The following CREB1 variants were observed in gnomAD, a reference collection of about 807,000 sequenced individuals.
CREB1 encodes the protein cyclic AMP-responsive element-binding protein 1.
Under a neutral mutation model 42.0 loss-of-function variants are expected in CREB1, and 2 were observed. That is an observed-to-expected ratio of 0.05 (90% CI 0.02 to 0.15). The LOEUF is 0.15. Ranked by LOEUF, CREB1 falls within the 10% of genes least tolerant of loss-of-function variation. CREB1 has a pLI of 1.00. For missense variants in CREB1, 199 were observed against 388.9 expected (o/e 0.51, Z 4.11); for synonymous variants, 123 against 139.9 (o/e 0.88, Z 0.85).
intron 5 of CREB1, among the ~76,000 whole-genome samples, chr2:207,572,389 C>T (rs1461363555): frequency 1.3e-5 from 2 of 152,028 alleles, no homozygotes; most frequent in Non-Finnish European, 2.9e-5. Context: ...ATAATAAATA[C>T]ATATACAGCA....
At chr2:207,553,134 T>C (rs1004444921) in intron 1 of CREB1, among the ~76,000 whole-genome samples, 1 of 149,312 alleles carries the variant, frequency 6.7e-6, no homozygotes, top group African/African-American at 2.5e-5. Context: ...AGTGGCACCA[T>C]GTTGGCTCAC....
At chr2:207,589,341 A>G (rs1222938105) in intron 7 of CREB1, among the ~76,000 whole-genome samples, 1 of 152,146 alleles carries the variant, frequency 6.6e-6, no homozygotes, top group Non-Finnish European at 1.5e-5. Context: ...ACATAGTGTT[A>G]TCTCTGTTCC....
rs1008006729 is a variant in CREB1, at chr2:207,552,069, TAAG to T, written c.-8-3555_-8-3553del. 6.2e-4 allele frequency among the ~76,000 whole-genome samples: 68 copies of T among 110,484 alleles called. 1 individual carries two copies. Among genetic ancestry groups the T allele is most frequent in the East Asian group, 1.9e-3 (6 of 3,084 alleles). 72.5% of individuals were successfully genotyped at this position (110,484 alleles called of 152,430 possible). A position where few individuals can be genotyped will look rare whatever the true frequency, so the allele number is the denominator to read the frequency against. On this transcript the variant is annotated intron_variant, in intron 1 of 7. Coordinates refer to ENST00000353267, the MANE Select transcript of CREB1 (RefSeq NM_004379.5). ...AAAAAAAAAAAAAAAAAAAAAAAAT[TAAG>T]AAGGCTATCCTCTACCCTAAAAAGG...
intron 1 of CREB1, among the ~76,000 whole-genome samples, chr2:207,536,380 C>A (rs1191681854): frequency 6.6e-6 from 1 of 151,664 alleles, no homozygotes; most frequent in East Asian, 2.0e-4. Context: ...CATGGTGAAA[C>A]CCCGTCTCTA....
At chr2:207,541,498 A>G (rs2081098228) in intron 1 of CREB1, among the ~76,000 whole-genome samples, 1 of 152,168 alleles carries the variant, frequency 6.6e-6, no homozygotes, top group Non-Finnish European at 1.5e-5. Context: ...GTACAATACC[A>G]TGCTGTATGG....
At chr2:207,571,416 ACT>A (rs1427420115) in intron 5 of CREB1, among the ~76,000 whole-genome samples, 1 of 152,134 alleles carries the variant, frequency 6.6e-6, no homozygotes, top group Non-Finnish European at 1.5e-5. Context: ...GTTTTGCGTA[ACT>A]CTAATTTGCA....
chr2:207,577,745 G>T, intron 7 of CREB1, 90 bp downstream of exon 7: 2 of 1,496,168 alleles, frequency 1.3e-6, no homozygotes, highest in Non-Finnish European at 1.8e-6. Context: ...CTGGTAATAG[G>T]ATCTTTGCAT....
intron 1 of CREB1, among the ~76,000 whole-genome samples, chr2:207,542,160 C>CT (rs956182809): frequency 6.6e-6 from 1 of 152,148 alleles, no homozygotes; most frequent in Non-Finnish European, 1.5e-5. Context: ...CTTCATTTCT[C>CT]TGAGTATATA....
At chr2:207,540,693 AAAAAG>A (rs2081065817) in intron 1 of CREB1, among the ~76,000 whole-genome samples, 8 of 150,122 alleles carry the variant, frequency 5.3e-5, no homozygotes, top group South Asian at 2.1e-4. Flanking sequence ...AAAAAAAAAA[AAAAAG>A]GAAAAAACCT....
At chr2:207,530,390 G>T (rs1267811724) in intron 1 of CREB1, among the ~76,000 whole-genome samples, 3 of 145,722 alleles carry the variant, frequency 2.1e-5, no homozygotes, top group Non-Finnish European at 3.1e-5. Flanking sequence ...CATGGCGGGG[G>T]GCGGCGGGCG....
chr2:207,571,761 GTCAGTAACAGAT>G (rs756343368), intron 5 of CREB1: 30 of 454,788 alleles, frequency 6.6e-5, no homozygotes, highest in Non-Finnish European at 1.3e-4. Context: ...ACATACTCCT[GTCAGTAACAGAT>G]TCACTGTTAC....
chr2:207,555,599 GCTTGTAACACT>G lies in CREB1; in HGVS notation c.-8-25_-8-15del, dbSNP rs1161497572. 1 of 1,429,282 alleles carries G rather than the reference GCTTGTAACACT, an allele frequency of 7.0e-7. No homozygotes were observed. Among genetic ancestry groups the G allele is most frequent in the Non-Finnish European group, 9.8e-7 (1 of 1,018,670 alleles). The allele number at this position is 1,429,282 out of a possible 1,614,324, so 88.5% of individuals were successfully genotyped here. A position where few individuals can be genotyped will look rare whatever the true frequency, so the allele number is the denominator to read the frequency against. ...TCACGAAAGCACAAAGCACTGTGGT[GCTTGTAACACT>G]CTTCCATATTATTATAGGTAACTAA... On this transcript the variant is annotated intron_variant, in intron 1 of 7. Coordinates refer to ENST00000353267, the MANE Select transcript of CREB1 (RefSeq NM_004379.5).
intron 1 of CREB1, among the ~76,000 whole-genome samples, chr2:207,547,040 A>G (rs1271786781): frequency 1.3e-5 from 2 of 152,160 alleles, no homozygotes; most frequent in African/African-American, 2.4e-5. Flanking sequence ...ATTCCTTACA[A>G]ATCTCTTGAC....
chr2:207,558,642 G>T (rs1043870792), intron 2 of CREB1, among the ~76,000 whole-genome samples: 1 of 147,816 alleles, frequency 6.8e-6, no homozygotes, highest in Admixed American at 6.7e-5. Flanking sequence ...CCACTAAAGT[G>T]ATTTTTTTTT....
chr2:207,531,804 C>T (rs2106319927), intron 1 of CREB1, among the ~76,000 whole-genome samples: 1 of 152,324 alleles, frequency 6.6e-6, no homozygotes, highest in East Asian at 1.9e-4. Context: ...AGCAGAAGCA[C>T]TGTCTTATTT....
chr2:207,575,630 T>G (rs1420788163), intron 6 of CREB1, among the ~76,000 whole-genome samples, 176 bp downstream of exon 6: 1 of 152,150 alleles, frequency 6.6e-6, no homozygotes, highest in Non-Finnish European at 1.5e-5. Context: ...GACCAAAATG[T>G]CATGGCATAA....
chr2:207,530,553 G>T (rs2080560559), intron 1 of CREB1, among the ~76,000 whole-genome samples: 2 of 146,006 alleles, frequency 1.4e-5, no homozygotes, highest in South Asian at 4.2e-4. Context: ...CGCTCGGCCC[G>T]GCGCTGCCCC....
chr2:207,566,110 G>C (rs146644138), intron 3 of CREB1, among the ~76,000 whole-genome samples: 1 of 152,156 alleles, frequency 6.6e-6, no homozygotes, highest in East Asian at 1.9e-4. Context: ...ACTTTAAAGT[G>C]TTTGGATGGG....
chr2:207,534,414 T>G (rs994220851), intron 1 of CREB1, among the ~76,000 whole-genome samples: 4 of 152,176 alleles, frequency 2.6e-5, no homozygotes, highest in Non-Finnish European at 5.9e-5. Flanking sequence ...TTTTTGTGTT[T>G]TTAGTAGAGA....
Sources: allele counts gnomAD v4.1 joint callset (sites outside exome capture counted in the v4.1 genomes callset), GRCh38; gene constraint gnomAD v4.1.1; transcripts MANE v1.5; gene names NCBI Gene and HGNC (gene_info 2026-07-23, HGNC 2026-07-21).